Variants in DOCK4 observed in about 807,000 individuals in gnomAD.
The protein encoded by DOCK4 is dedicator of cytokinesis 4, also known as dedicator of cytokinesis protein 4.
DOCK4 carries 97 observed loss-of-function variants against 268.1 expected under a neutral mutation model. That is an observed-to-expected ratio of 0.36 (90% CI 0.31 to 0.43). The LOEUF is 0.43. Among genes scored for constraint, DOCK4 ranks in the 20% least tolerant of loss-of-function variants. The pLI, the probability that DOCK4 is intolerant of heterozygous loss-of-function variation, is 1.00. For missense variants in DOCK4, 2,145 were observed against 2,455.7 expected, an observed-to-expected ratio of 0.87 and a Z score of 2.67; for synonymous variants, 954 against 887.2, an observed-to-expected ratio of 1.08 and a Z score of -1.34.
intron 16 of DOCK4, among the ~76,000 whole-genome samples, chr7:111,890,622 T>A (rs1808209896): frequency 6.6e-6 from 1 of 152,206 alleles, no homozygotes; most frequent in South Asian, 2.1e-4. Flanking sequence ...TAGGATTCCT[T>A]AGACCCTGCC....
At chr7:112,027,664 A>G (rs557049749) in intron 1 of DOCK4, among the ~76,000 whole-genome samples, 1 of 152,362 alleles carries the variant, frequency 6.6e-6, no homozygotes, top group African/African-American at 2.4e-5. Flanking sequence ...AATTAAGTGG[A>G]AGACTCACGT....
At chr7:112,024,358 C>T (rs766534692) in intron 1 of DOCK4, among the ~76,000 whole-genome samples, 22 of 152,064 alleles carry the variant, frequency 1.4e-4, no homozygotes, top group Non-Finnish European at 2.9e-4. Context: ...TATTTAATAC[C>T]TCTATGAAAC....
At chr7:112,111,204 C>T (rs1255828813) in intron 1 of DOCK4, among the ~76,000 whole-genome samples, 1 of 152,144 alleles carries the variant, frequency 6.6e-6, no homozygotes, top group Admixed American at 6.5e-5. Flanking sequence ...TCACATGACA[C>T]CCAGGAGGGG....
At chr7:111,788,983 A>G in intron 31 of DOCK4, 1 of 545,468 alleles carries the variant, frequency 1.8e-6, no homozygotes, top group South Asian at 2.3e-5. Flanking sequence ...AAAGACATCT[A>G]TCTATTTGTT....
intron 30 of DOCK4, among the ~76,000 whole-genome samples, chr7:111,802,409 T>C (rs956409368): frequency 4.6e-5 from 7 of 152,208 alleles, no homozygotes; most frequent in African/African-American, 1.7e-4. Flanking sequence ...GCCCCAGCTA[T>C]GCTCTCTCTG....
At chr7:111,741,491 C>T in intron 46 of DOCK4, 49 bp downstream of exon 46, 1 of 1,598,260 alleles carries the variant, frequency 6.3e-7, no homozygotes, top group South Asian at 1.1e-5. Context: ...CATTCCAGAT[C>T]AGCTTGCGGG....
intron 1 of DOCK4, among the ~76,000 whole-genome samples, chr7:112,122,423 C>T (rs1812814940): frequency 6.6e-6 from 1 of 152,048 alleles, no homozygotes; most frequent in African/African-American, 2.4e-5. Flanking sequence ...AAGATTGTCT[C>T]TTTTTTCTTC....
intron 1 of DOCK4, among the ~76,000 whole-genome samples, chr7:112,145,413 C>A (rs1367984061): frequency 6.6e-6 from 1 of 152,150 alleles, no homozygotes; most frequent in Non-Finnish European, 1.5e-5. Context: ...ATTGGTTTGG[C>A]TCACATAAAA....
At chr7:111,811,849 G>A in intron 28 of DOCK4, 25 bp downstream of exon 28, 1 of 1,325,124 alleles carries the variant, frequency 7.5e-7, no homozygotes, top group Non-Finnish European at 1.1e-6. Context: ...GCCCAAGCAG[G>A]AGAGTCATAT....
intron 12 of DOCK4, among the ~76,000 whole-genome samples, chr7:111,928,046 C>T (rs1291450585): frequency 6.6e-6 from 1 of 152,172 alleles, no homozygotes; most frequent in East Asian, 1.9e-4. Context: ...TGTTCTTCAT[C>T]AGACCTACTA....
chr7:111,971,271 G>C (rs967808381), intron 8 of DOCK4: 6 of 158,496 alleles, frequency 3.8e-5, no homozygotes, highest in Non-Finnish European at 8.4e-5. Flanking sequence ...GCTTGGGAAT[G>C]TGAGCCAAAG....
intron 12 of DOCK4, among the ~76,000 whole-genome samples, chr7:111,921,961 G>A (rs17159007): frequency 0.039 from 5,915 of 152,230 alleles, 350 homozygotes; most frequent in East Asian, 0.29. Flanking sequence ...TTCTATAAAG[G>A]TTTCAAAGGC....
At chr7:111,739,061 T>A (rs1173922118) in intron 49 of DOCK4, 73 bp downstream of exon 49, 1 of 1,314,654 alleles carries the variant, frequency 7.6e-7, no homozygotes, top group African/African-American at 1.5e-5. Flanking sequence ...AGCTACCGCG[T>A]GTTTCTGCAG....
intron 12 of DOCK4, among the ~76,000 whole-genome samples, chr7:111,926,646 A>C (rs192375073): frequency 0.036 from 5,377 of 148,864 alleles, 329 homozygotes; most frequent in African/African-American, 0.12. Context: ...CATGGTAAAA[A>C]CACATCTCTA....
intron 1 of DOCK4, among the ~76,000 whole-genome samples, chr7:112,113,734 A>ATTTTTTTTTTTTTTTTTTTTTTTTTTTTT (rs57672966): frequency 2.0e-5 from 1 of 49,548 alleles, no homozygotes; most frequent in African/African-American, 7.2e-5. Context: ...TACTTGGCTG[A>ATTTTTTTTTTTTTTTTTTTTTTTTTTTTT]TTTTTTTTTT....
intron 26 of DOCK4, among the ~76,000 whole-genome samples, chr7:111,823,816 A>C (rs1802193697): frequency 6.6e-6 from 1 of 152,266 alleles, no homozygotes; most frequent in Non-Finnish European, 1.5e-5. Flanking sequence ...TATCAAATAC[A>C]ATGACACATT....
chr7:112,026,741 G>A (rs369338576), intron 1 of DOCK4, among the ~76,000 whole-genome samples: 3 of 152,178 alleles, frequency 2.0e-5, no homozygotes, highest in South Asian at 2.1e-4. Flanking sequence ...TCCTGTGGTC[G>A]GAACAGAGAT....
At chr7:111,865,693 G>T (rs966764936) in intron 22 of DOCK4, among the ~76,000 whole-genome samples, 1 of 152,132 alleles carries the variant, frequency 6.6e-6, no homozygotes, top group Non-Finnish European at 1.5e-5. Context: ...ATTTATCCAG[G>T]TGGGCCTCAC....
chr7:112,187,200 T>C (rs1819553420), intron 1 of DOCK4, among the ~76,000 whole-genome samples: 1 of 152,132 alleles, frequency 6.6e-6, no homozygotes. Flanking sequence ...ACAACCATAA[T>C]TACTTCTATA....
Sources: allele counts gnomAD v4.1 joint callset (sites outside exome capture counted in the v4.1 genomes callset), GRCh38; gene constraint gnomAD v4.1.1; transcripts MANE v1.5; gene names NCBI Gene and HGNC (gene_info 2026-07-23, HGNC 2026-07-21).